SH3KBP1: variants seen among roughly 807,000 people sequenced by gnomAD.
SH3KBP1 encodes SH3 domain-containing kinase-binding protein 1.
SH3KBP1 carries 8 observed loss-of-function variants against 50.1 expected under a neutral mutation model. The ratio of observed to expected loss-of-function variants is 0.16; its 90% CI spans 0.09 to 0.29. SH3KBP1 has a LOEUF of 0.29. SH3KBP1 is among the 10% of genes least tolerant of loss of function. The pLI is 1.00. For missense variants in SH3KBP1, 377 were observed against 535.2 expected, an observed-to-expected ratio of 0.70 and a Z score of 2.92; for synonymous variants, 227 against 218.6, an observed-to-expected ratio of 1.04 and a Z score of -0.34.
intron 2 of SH3KBP1, among the ~76,000 whole-genome samples, chrX:19,819,906 G>C (rs1470553217): frequency 1.8e-5 from 2 of 111,210 alleles, no homozygotes; most frequent in Non-Finnish European, 3.8e-5. Context: ...TTAATATGTT[G>C]TATGTTCATT....
chrX:19,554,360 TATC>T (rs1409374837), intron 13 of SH3KBP1, among the ~76,000 whole-genome samples: 6 of 90,563 alleles, frequency 6.6e-5, no homozygotes, highest in East Asian at 3.1e-4. Context: ...ATATATTATA[TATC>T]ATATTAAAAT....
intron 2 of SH3KBP1, among the ~76,000 whole-genome samples, chrX:19,830,309 T>G (rs2067830226): frequency 9.3e-6 from 1 of 107,884 alleles, no homozygotes; most frequent in African/African-American, 3.4e-5. Flanking sequence ...TTGATCTGGG[T>G]GGTGGTTATA....
intron 3 of SH3KBP1, among the ~76,000 whole-genome samples, chrX:19,723,423 G>A (rs1034395735): frequency 3.6e-5 from 4 of 111,939 alleles, no homozygotes; most frequent in Non-Finnish European, 7.5e-5. Context: ...CAAGATTCTC[G>A]TCAACTTAAT....
At chrX:19,828,484 C>A (rs1806214249) in intron 2 of SH3KBP1, among the ~76,000 whole-genome samples, 1 of 109,311 alleles carries the variant, frequency 9.1e-6, no homozygotes, top group African/African-American at 3.3e-5. Context: ...ACCAGCTGAA[C>A]AACATAGCAA....
chrX:19,734,237 C>T (rs1380528150), intron 3 of SH3KBP1, among the ~76,000 whole-genome samples: 1 of 111,773 alleles, frequency 8.9e-6, no homozygotes, highest in Non-Finnish European at 1.9e-5. Context: ...GATGCCACAG[C>T]CAGTTCTCTA....
chrX:19,630,088 G>C (rs1002026790), intron 8 of SH3KBP1, among the ~76,000 whole-genome samples: 1 of 112,209 alleles, frequency 8.9e-6, no homozygotes, highest in African/African-American at 3.2e-5. Flanking sequence ...AAGGACTGGA[G>C]TATAATATGT....
rs1210555924 is a variant in SH3KBP1 at position 19,760,009 on chromosome X, GTCTC to G, written c.163-13572_163-13569del. 1.1e-4 allele frequency among the ~76,000 whole-genome samples: 6 copies of G among 55,453 alleles called. No individual in the cohort carries two copies. The South Asian group carries it at 2.9e-3, about 27-fold the overall frequency. The allele number at this position is 55,453 out of a possible 115,157, so 48.2% of individuals were successfully genotyped here. Reference sequence around the variant, plus strand: ...GGACCATAACTATAAATCAGTCTCGGTCTCTCTCTCTCTCCTCTCTCTCTCTCTC... The same window carrying G: ...GGACCATAACTATAAATCAGTCTCGGTCTCTCTCTCCTCTCTCTCTCTCTC... On this transcript the variant is annotated intron_variant, in intron 2 of 17. Coordinates refer to ENST00000397821, the MANE Select transcript of SH3KBP1 (RefSeq NM_031892.3).
At chrX:19,788,620 G>A (rs1038957515) in intron 2 of SH3KBP1, among the ~76,000 whole-genome samples, 1 of 111,851 alleles carries the variant, frequency 8.9e-6, no homozygotes, top group Non-Finnish European at 1.9e-5. Context: ...TTCACACCAC[G>A]CTGAAAGTCA....
In SH3KBP1 at chrX:19,876,176, T is replaced by C. The variant is rs1341527562; in HGVS notation, c.4+11131A>G. Reference sequence around the variant, plus strand: ...GAGTTCCAGACCAGCCTGGCCAACATGGTGAAACCCCATCTCCACTAAAAA... The same window carrying C: ...GAGTTCCAGACCAGCCTGGCCAACACGGTGAAACCCCATCTCCACTAAAAA... On this transcript the variant is annotated intron_variant, in intron 1 of 17. Transcript: ENST00000397821. Among the ~76,000 whole-genome samples, 4 of 111,194 alleles carry C rather than the reference T, an allele frequency of 3.6e-5. No homozygotes were observed. In the Admixed American group the frequency reaches 3.8e-4, roughly 11 times the overall value.
intron 1 of SH3KBP1, among the ~76,000 whole-genome samples, chrX:19,841,665 G>A (rs1384424060): frequency 9.0e-6 from 1 of 111,401 alleles, no homozygotes; most frequent in Non-Finnish European, 1.9e-5. Flanking sequence ...CTGATCATTA[G>A]AGATGGAAAG....
chrX:19,569,323 G>C (rs2065937787), intron 12 of SH3KBP1, 135 bp from the exon 13 acceptor site: 1 of 549,602 alleles, frequency 1.8e-6, no homozygotes, highest in African/African-American at 2.2e-5. Flanking sequence ...GGGAGCCAGA[G>C]AACCAACGAG....
intron 2 of SH3KBP1, among the ~76,000 whole-genome samples, chrX:19,793,723 T>C (rs1441387497): frequency 1.8e-5 from 2 of 111,724 alleles, no homozygotes; most frequent in Non-Finnish European, 3.8e-5. Flanking sequence ...CTACTTCAGA[T>C]GCTAACTTGG....
At chrX:19,606,423 A>G (rs1223129444) in intron 9 of SH3KBP1, among the ~76,000 whole-genome samples, 1 of 112,560 alleles carries the variant, frequency 8.9e-6, no homozygotes, top group Non-Finnish European at 1.9e-5. Context: ...AGTCACTACT[A>G]AGTGTTTAGT....
chrX:19,841,983 A>G (rs1457794439), intron 1 of SH3KBP1, among the ~76,000 whole-genome samples: 1 of 109,161 alleles, frequency 9.2e-6, no homozygotes, highest in East Asian at 2.8e-4. Context: ...AAAAAGTTAC[A>G]CCAGTCAGGA....
intron 5 of SH3KBP1, among the ~76,000 whole-genome samples, chrX:19,689,330 G>C (rs138399765): frequency 0.015 from 1,645 of 112,085 alleles, 29 homozygotes; most frequent in African/African-American, 0.05. Context: ...TGTTTTGTGA[G>C]CTAGGCCCTC....
Position 19,836,256 on chromosome X carries a change from G to C in SH3KBP1, c.31C>G (p.Gln11Glu). The C allele has an allele frequency of 8.3e-7, 1 of 1,210,374 alleles. No homozygotes were observed. The highest frequency in any genetic ancestry group is 2.4e-4 in the Middle Eastern group (1 of 4,113). Reference sequence around the variant, plus strand: ...GTCAGCTCATCATCGTGCTGGGCCTGGTAGTCAAACTCCACTATGGCCTCC... The same window carrying C: ...GTCAGCTCATCATCGTGCTGGGCCTCGTAGTCAAACTCCACTATGGCCTCC... MVEAIVEFDY[Q>E]AQHDDELTIS... Residue 11 changes from glutamine to glutamate, a missense_variant, in exon 2 of 18, where the codon CAG (glutamine) becomes GAG (glutamate). By Grantham distance (29) the Gln-to-Glu change is conservative (BLOSUM62 2). This residue lies in a region of SH3KBP1 where 257 missense variants were observed against 374.2 expected (regional missense o/e 0.69). Transcript: ENST00000397821.
chrX:19,855,410 T>A (rs2068620377), intron 1 of SH3KBP1, among the ~76,000 whole-genome samples: 1 of 112,261 alleles, frequency 8.9e-6, no homozygotes, highest in African/African-American at 3.2e-5. Context: ...CATAAATGAG[T>A]GAGGCTGTGT....
At chrX:19,876,613 C>G (rs2069261390) in intron 1 of SH3KBP1, among the ~76,000 whole-genome samples, 1 of 110,589 alleles carries the variant, frequency 9.0e-6, no homozygotes, top group African/African-American at 3.3e-5. Flanking sequence ...TTAATCAGGA[C>G]GTTAAAAAAG....
At chrX:19,742,259 C>T (rs2064791493) in intron 3 of SH3KBP1, among the ~76,000 whole-genome samples, 2 of 110,291 alleles carry the variant, frequency 1.8e-5, no homozygotes, top group Non-Finnish European at 3.8e-5. Context: ...TGCCACCACA[C>T]CCAGCTAATT....
Sources: allele counts gnomAD v4.1 joint callset (sites outside exome capture counted in the v4.1 genomes callset), GRCh38; gene constraint gnomAD v4.1.1; regional missense constraint gnomAD v4.1.1; transcripts MANE v1.5; gene names NCBI Gene and HGNC (gene_info 2026-07-23, HGNC 2026-07-21).